AIG1: variants seen among roughly 807,000 people sequenced by gnomAD.
AIG1 encodes the protein androgen induced 1.
AIG1 carries 23 observed loss-of-function variants against 31.4 expected under a neutral mutation model. The observed-to-expected ratio is 0.73, with a 90% CI of 0.53 to 1.04. The LOEUF is 1.04. AIG1 is among the 50% of genes least tolerant of loss of function. The pLI, the probability that AIG1 is intolerant of heterozygous loss-of-function variation, is 0.00. For synonymous variants in AIG1, 100 were observed against 110.5 expected, an observed-to-expected ratio of 0.90 and a Z score of 0.60; for missense variants, 274 against 295.0, an observed-to-expected ratio of 0.93 and a Z score of 0.52.
chr6:143,183,835 G>A (rs1006996973), intron 3 of AIG1, among the ~76,000 whole-genome samples: 1 of 152,092 alleles, frequency 6.6e-6, no homozygotes, highest in African/African-American at 2.4e-5. Flanking sequence ...AGGGGGTGGT[G>A]GAAGGCAGGA....
chr6:143,067,727 T>C lies in AIG1; in HGVS notation c.141+6661T>C, dbSNP rs59729717. 4.1e-3 allele frequency among the ~76,000 whole-genome samples: 619 copies of C among 152,346 alleles called. 4 individuals are homozygous for C. Among genetic ancestry groups the C allele is most frequent in the African/African-American group, 0.014 (578 of 41,580 alleles). ...ATTATGTAACTATGGTACTTAGTTT[T>C]GCCAGTCAAAACCACACATTGCCAC... On this transcript the variant is annotated intron_variant, in intron 1 of 5. Transcript: ENST00000357847.
chr6:143,155,642 G>A (rs182479488), intron 2 of AIG1, among the ~76,000 whole-genome samples: 5 of 152,232 alleles, frequency 3.3e-5, no homozygotes, highest in African/African-American at 1.2e-4. Flanking sequence ...CACCATGATG[G>A]TAGCAATGGA....
chr6:143,099,514 T>C (rs1780066025), intron 1 of AIG1: 1 of 152,242 alleles, frequency 6.6e-6, no homozygotes, highest in African/African-American at 2.4e-5. Context: ...TCATGTTATT[T>C]TCCCAGACTG....
At chr6:143,167,485 GC>G (rs1173337586) in intron 3 of AIG1, among the ~76,000 whole-genome samples, 1 of 152,170 alleles carries the variant, frequency 6.6e-6, no homozygotes, top group Non-Finnish European at 1.5e-5. Context: ...TAAAGTCTCG[GC>G]CACTTTGGCT....
chr6:143,083,247 G>C (rs555285723), intron 1 of AIG1, among the ~76,000 whole-genome samples: 5 of 152,196 alleles, frequency 3.3e-5, no homozygotes, highest in Admixed American at 6.5e-5. Context: ...GTTTCTGAAC[G>C]GGCAGCTAGA....
chr6:143,128,389 A>T (rs1782886744), intron 1 of AIG1, among the ~76,000 whole-genome samples: 1 of 152,090 alleles, frequency 6.6e-6, no homozygotes, highest in Non-Finnish European at 1.5e-5. Context: ...GTGACTCCAA[A>T]GTAATCCTGG....
intron 3 of AIG1, among the ~76,000 whole-genome samples, chr6:143,277,223 G>A (rs554988569): frequency 2.2e-4 from 34 of 152,234 alleles, no homozygotes; most frequent in African/African-American, 8.2e-4. Context: ...TTCTATGGGG[G>A]GGTGAGAGGA....
rs554622845 is a variant in AIG1, at chr6:143,135,238, A to G, written c.142-1597A>G. ...TGTTTACTAGCCAGATTAGCTAGTA[A>G]TGAAGAATAATGAAGATTATTCTCC... On this transcript the variant is annotated intron_variant, in intron 1 of 5. Transcript: ENST00000357847. Among the ~76,000 whole-genome samples the G allele has an allele frequency of 2.0e-4, 31 of 152,234 alleles. 1 individual carries two copies. In the Middle Eastern group the frequency reaches 0.017, roughly 84 times the overall value.
chr6:143,270,700 A>G (rs1280642481), intron 3 of AIG1, among the ~76,000 whole-genome samples: 1 of 152,260 alleles, frequency 6.6e-6, no homozygotes, highest in African/African-American at 2.4e-5. Context: ...ATAAGTTAGT[A>G]TTTCTCTAAG....
At chr6:143,124,638 A>G (rs769512625) in intron 1 of AIG1, among the ~76,000 whole-genome samples, 2 of 152,144 alleles carry the variant, frequency 1.3e-5, no homozygotes, top group East Asian at 3.9e-4. Flanking sequence ...CCCGAGGGTA[A>G]TTTACAAAGG....
intron 3 of AIG1, among the ~76,000 whole-genome samples, chr6:143,271,902 T>C (rs1394958368): frequency 2.0e-5 from 3 of 152,216 alleles, no homozygotes; most frequent in Non-Finnish European, 2.9e-5. Flanking sequence ...TTGCAAGTGT[T>C]TTTTTCTCTA....
At chr6:143,112,184 C>A (rs995081586) in intron 1 of AIG1, among the ~76,000 whole-genome samples, 18 of 152,126 alleles carry the variant, frequency 1.2e-4, no homozygotes, top group Non-Finnish European at 2.9e-5. Flanking sequence ...TTATCCAGAG[C>A]CCCTGCAGTT....
intron 4 of AIG1, among the ~76,000 whole-genome samples, chr6:143,319,302 G>T (rs765067926): frequency 2.0e-5 from 3 of 152,104 alleles, no homozygotes; most frequent in Non-Finnish European, 4.4e-5. Context: ...GCCATAAAAA[G>T]GAATGAAATA....
intron 3 of AIG1, among the ~76,000 whole-genome samples, chr6:143,260,443 A>C (rs1452510455): frequency 6.6e-6 from 1 of 152,158 alleles, no homozygotes; most frequent in African/African-American, 2.4e-5. Flanking sequence ...TTTCCTTTGG[A>C]AACCAGTAAA....
At chr6:143,072,526 T>G (rs1166963746) in intron 1 of AIG1, among the ~76,000 whole-genome samples, 2 of 152,164 alleles carry the variant, frequency 1.3e-5, no homozygotes, top group Non-Finnish European at 1.5e-5. Flanking sequence ...TGTTCCTATC[T>G]TAGGAGGAAA....
intron 3 of AIG1, among the ~76,000 whole-genome samples, chr6:143,210,970 A>T (rs1791540594): frequency 6.6e-6 from 1 of 152,130 alleles, no homozygotes; most frequent in Non-Finnish European, 1.5e-5. Flanking sequence ...TTTCCTCCTA[A>T]TTTTTTAGGG....
intron 3 of AIG1, among the ~76,000 whole-genome samples, chr6:143,248,698 A>G (rs148306540): frequency 6.6e-6 from 1 of 152,298 alleles, no homozygotes; most frequent in Non-Finnish European, 1.5e-5. Context: ...TACTTGTTGA[A>G]TCAAGGCAAA....
intron 1 of AIG1, among the ~76,000 whole-genome samples, chr6:143,072,573 A>G (rs568599182): frequency 5.4e-4 from 82 of 152,008 alleles, no homozygotes; most frequent in Non-Finnish European, 1.0e-3. Context: ...GATGTTAGAT[A>G]TAGATTTTTT....
At chr6:143,152,490 A>G (rs1785330040) in intron 2 of AIG1, among the ~76,000 whole-genome samples, 2 of 152,172 alleles carry the variant, frequency 1.3e-5, no homozygotes, top group African/African-American at 4.8e-5. Context: ...ATCCTAATTG[A>G]TAGTGGTTCC....
Sources: allele counts gnomAD v4.1 joint callset (sites outside exome capture counted in the v4.1 genomes callset), GRCh38; gene constraint gnomAD v4.1.1; transcripts MANE v1.5; gene names NCBI Gene and HGNC (gene_info 2026-07-23, HGNC 2026-07-21).